The following ERBB4 variants were observed in gnomAD, a reference collection of about 807,000 sequenced individuals.
The protein encoded by ERBB4 is receptor tyrosine-protein kinase erbB-4.
In ERBB4, 42 loss-of-function variants were observed where a neutral mutation model predicts 158.0. The observed-to-expected ratio is 0.27, with a 90% CI of 0.21 to 0.34. ERBB4 has a LOEUF of 0.34. Ranked by LOEUF, ERBB4 falls within the 10% of genes least tolerant of loss-of-function variation. The probability of loss-of-function intolerance (pLI) is 1.00; values close to 1 mark genes in which losing one functional copy is unlikely to be tolerated. For missense variants in ERBB4, 1,333 were observed against 1,624.1 expected (o/e 0.82, Z 3.08); for synonymous variants, 583 against 558.7 (o/e 1.04, Z -0.61).
intron 1 of ERBB4, among the ~76,000 whole-genome samples, chr2:212,514,373 C>G (rs1377332784): frequency 6.6e-6 from 1 of 152,074 alleles, no homozygotes; most frequent in Non-Finnish European, 1.5e-5. Context: ...GATATAAATG[C>G]CTATAAAAGT....
At chr2:212,337,589 C>T (rs2088503771) in intron 1 of ERBB4, among the ~76,000 whole-genome samples, 2 of 152,050 alleles carry the variant, frequency 1.3e-5, no homozygotes, top group African/African-American at 4.8e-5. Flanking sequence ...TCATTCCATG[C>T]TCACCCCAGA....
At chr2:212,491,559 A>C (rs1435724662) in intron 1 of ERBB4, among the ~76,000 whole-genome samples, 2 of 151,640 alleles carry the variant, frequency 1.3e-5, no homozygotes, top group African/African-American at 2.4e-5. Flanking sequence ...AAATAGGTCT[A>C]TCTTGGTAGA....
chr2:211,558,480 C>CAACATGTAA (rs2067297641), intron 20 of ERBB4, among the ~76,000 whole-genome samples: 1 of 152,126 alleles, frequency 6.6e-6, no homozygotes, highest in Non-Finnish European at 1.5e-5. Flanking sequence ...TGCAAAGTCC[C>CAACATGTAA]TTTTAACATG....
intron 1 of ERBB4, among the ~76,000 whole-genome samples, chr2:212,423,115 C>A (rs1287616936): frequency 4.6e-5 from 7 of 151,738 alleles, no homozygotes; most frequent in Non-Finnish European, 7.4e-5. Flanking sequence ...CTGAGTAAAG[C>A]TAGTAACATA....
At chr2:211,874,826 C>T (rs1008755817) in intron 3 of ERBB4, among the ~76,000 whole-genome samples, 7 of 152,102 alleles carry the variant, frequency 4.6e-5, no homozygotes, top group African/African-American at 1.7e-4. Flanking sequence ...CCTTTGGTTT[C>T]AGAATTACAT....
intron 2 of ERBB4, among the ~76,000 whole-genome samples, chr2:212,019,792 A>G (rs567573797): frequency 2.1e-3 from 323 of 150,566 alleles, no homozygotes; most frequent in African/African-American, 7.6e-3. Context: ...GAAAGAAAAG[A>G]AAAAAAGAAA....
At chr2:211,682,590 A>C (rs1405909322) in intron 12 of ERBB4, among the ~76,000 whole-genome samples, 1 of 152,204 alleles carries the variant, frequency 6.6e-6, no homozygotes, top group Non-Finnish European at 1.5e-5. Context: ...GTTTTTGTAT[A>C]TGGATATTCA....
intron 1 of ERBB4, among the ~76,000 whole-genome samples, chr2:212,348,495 A>G (rs1269631199): frequency 6.6e-6 from 1 of 152,206 alleles, no homozygotes; most frequent in African/African-American, 2.4e-5. Context: ...CGTGTATCAA[A>G]AAAGAAAATA....
intron 9 of ERBB4, among the ~76,000 whole-genome samples, chr2:211,706,463 T>C (rs180712545): frequency 5.3e-4 from 80 of 152,212 alleles, no homozygotes; most frequent in African/African-American, 1.9e-3. Flanking sequence ...TTGGCATTTA[T>C]TCATGCCAGC....
chr2:211,741,456 C>CACAT (rs1309023818), intron 5 of ERBB4, among the ~76,000 whole-genome samples: 1 of 149,302 alleles, frequency 6.7e-6, no homozygotes, highest in African/African-American at 2.5e-5. Flanking sequence ...TAGTTATACA[C>CACAT]ACACACACAC....
At chr2:212,475,566 A>G (rs1205033061) in intron 1 of ERBB4, among the ~76,000 whole-genome samples, 1 of 152,118 alleles carries the variant, frequency 6.6e-6, no homozygotes, top group Admixed American at 6.5e-5. Flanking sequence ...TAATAATTCT[A>G]TCATTTCAAT....
chr2:211,842,434 C>A (rs1390249194), intron 3 of ERBB4, among the ~76,000 whole-genome samples: 2 of 136,406 alleles, frequency 1.5e-5, no homozygotes, highest in African/African-American at 2.5e-5. Flanking sequence ...TAGTCAATAT[C>A]TTTTCTGGAA....
At chr2:212,092,920 G>A (rs1435108493) in intron 2 of ERBB4, among the ~76,000 whole-genome samples, 5 of 152,032 alleles carry the variant, frequency 3.3e-5, no homozygotes, top group Admixed American at 1.3e-4. Flanking sequence ...TAACAAACCT[G>A]CACATTCTGC....
chr2:211,385,161 G>A (rs114263570), intron 27 of ERBB4, among the ~76,000 whole-genome samples: 1 of 151,944 alleles, frequency 6.6e-6, no homozygotes, highest in Admixed American at 6.6e-5. Context: ...ATTAAGTGAG[G>A]ATTATTTTTC....
At chr2:211,702,693 G>A (rs1042446681) in intron 11 of ERBB4, among the ~76,000 whole-genome samples, 4 of 152,102 alleles carry the variant, frequency 2.6e-5, no homozygotes, top group African/African-American at 4.8e-5. Flanking sequence ...AAGGTTAGGA[G>A]ATAGTAAAAT....
chr2:212,446,578 CATATATATATATGTATATATATATAT>C (rs1406224252), intron 1 of ERBB4, among the ~76,000 whole-genome samples: 906 of 57,218 alleles, frequency 0.016, 91 homozygotes, highest in Middle Eastern at 0.041. Flanking sequence ...AATAAACTCC[CATATATATATATGTATATATATATAT>C]ATATATATAT....
chr2:211,915,589 C>T lies in ERBB4; in HGVS notation c.421+31841G>A, dbSNP rs115606749. 6.2e-3 allele frequency among the ~76,000 whole-genome samples: 946 copies of T among 151,842 alleles called. 7 individuals carry two copies. Among genetic ancestry groups the T allele is most frequent in the African/African-American group, 0.021 (880 of 41,426 alleles). On this transcript the variant is annotated intron_variant, in intron 3 of 27. Coordinates refer to ENST00000342788, the MANE Select transcript of ERBB4 (RefSeq NM_005235.3). ...TGACCAATGATTCTTCTTTACCTAG[C>T]TTAAGTAATTTGAGAGCTGAATGAC... is the stretch of plus-strand genomic sequence containing the variant.
intron 2 of ERBB4, among the ~76,000 whole-genome samples, chr2:212,003,164 A>G (rs182444086): frequency 0.12 from 3,234 of 27,742 alleles, 311 homozygotes; most frequent in Non-Finnish European, 0.26. Flanking sequence ...AAAGAAAGAA[A>G]GAAAGAAAGA....
intron 3 of ERBB4, among the ~76,000 whole-genome samples, chr2:211,821,149 C>A (rs914396913): frequency 8.6e-5 from 13 of 151,806 alleles, no homozygotes; most frequent in African/African-American, 3.1e-4. Flanking sequence ...ATAGACAGAT[C>A]TGAAGACTAC....
Sources: allele counts gnomAD v4.1 joint callset (sites outside exome capture counted in the v4.1 genomes callset), GRCh38; gene constraint gnomAD v4.1.1; transcripts MANE v1.5; gene names NCBI Gene and HGNC (gene_info 2026-07-23, HGNC 2026-07-21).